PCDHGA2: variants seen among roughly 807,000 people sequenced by gnomAD.
The protein encoded by PCDHGA2 is protocadherin gamma-A2.
In PCDHGA2, 40 loss-of-function variants were observed where a neutral mutation model predicts 59.2. The ratio of observed to expected loss-of-function variants is 0.68; its 90% CI spans 0.52 to 0.88. The LOEUF (loss-of-function observed/expected upper bound fraction) is 0.88, where lower values mean the gene tolerates loss of function less well. PCDHGA2 is among the 40% of genes least tolerant of loss of function. The probability of loss-of-function intolerance (pLI) is 0.00; values close to 1 mark genes in which losing one functional copy is unlikely to be tolerated. For missense variants in PCDHGA2, 1,226 were observed against 1,204.0 expected (o/e 1.02, Z -0.27); for synonymous variants, 560 against 526.0 (o/e 1.06, Z -0.89).
chr5:141,421,513 C>G lies in PCDHGA2; in HGVS notation c.2425-73294C>G, dbSNP rs368199651. ...GGCAGGCAGGATAGACCGGGAGGAG[C>G]TCTGTGAGACGGTGTCCTCCTGTTT... On this transcript the variant is annotated intron_variant, in intron 1 of 3. Coordinates refer to ENST00000394576, the MANE Select transcript of PCDHGA2 (RefSeq NM_018915.4). 61 of 1,614,078 alleles carry G rather than the reference C, an allele frequency of 3.8e-5. No individual in the cohort carries two copies. The African/African-American group carries it at 7.5e-4, about 20-fold the overall frequency.
intron 1 of PCDHGA2, chr5:141,404,432 GATACC>G: frequency 6.2e-7 from 1 of 1,613,380 alleles, no homozygotes; most frequent in African/African-American, 1.3e-5. Context: ...CTTGGCAGAG[GATACC>G]ATCCAAGGGT....
At chr5:141,363,452 C>G (rs1031596870) in intron 1 of PCDHGA2, among the ~76,000 whole-genome samples, 2 of 152,196 alleles carry the variant, frequency 1.3e-5, no homozygotes, top group Non-Finnish European at 2.9e-5. Context: ...CAGTACTTCT[C>G]GACAAGTATC....
rs561392729 is a variant in PCDHGA2, at chr5:141,475,706, G to T, written c.2425-19101G>T. On this transcript the variant is annotated intron_variant, in intron 1 of 3. Transcript: ENST00000394576. ...GGATTGGAGACTTGCAGAACGGCTA[G>T]CCTCACAGCCCCAAGGCTGGCTTTC... Among the ~76,000 whole-genome samples the T allele has an allele frequency of 7.2e-5, 11 of 152,364 alleles. 1 individual carries two copies. In the South Asian group the frequency reaches 2.3e-3, roughly 32 times the overall value.
Position 141,432,593 on chromosome 5 carries a change from A to G in PCDHGA2, c.2425-62214A>G, listed in dbSNP as rs2097518945. ...GCTGTCCTACCGTCTGCTCAAGGCC[A>G]GCGAGCCGGGACTCTTCTCGGTGGG... On this transcript the variant is annotated intron_variant, in intron 1 of 3. Transcript: ENST00000394576. The surrounding 1 kb of genome is among the most constrained non-coding windows in gnomAD (Gnocchi z 6.0). 6.2e-7 allele frequency: 1 copy of G among 1,612,958 alleles called. No individual in the cohort carries two copies. Among genetic ancestry groups the G allele is most frequent in the Non-Finnish European group, 8.5e-7 (1 of 1,179,834 alleles).
At chr5:141,374,646 G>C in intron 1 of PCDHGA2, 4 of 1,612,728 alleles carry the variant, frequency 2.5e-6, no homozygotes, top group Non-Finnish European at 3.4e-6. Flanking sequence ...GAAGCCCATG[G>C]GCCCAAGTAC....
intron 1 of PCDHGA2, chr5:141,410,478 C>T (rs767257836): frequency 1.9e-6 from 3 of 1,613,992 alleles, no homozygotes; most frequent in Non-Finnish European, 2.5e-6. Flanking sequence ...ATTGCACATA[C>T]GGGTACAAAA....
chr5:141,503,377 A>G lies in PCDHGA2; in HGVS notation c.2484-2016A>G, dbSNP rs534841057. Among the ~76,000 whole-genome samples, 4 of 152,142 alleles carry G rather than the reference A, an allele frequency of 2.6e-5. No homozygotes were observed. In the East Asian group the frequency reaches 7.8e-4, roughly 30 times the overall value. The stretch of plus-strand genomic sequence containing the variant: ...TTTGGGAAGCGGAGGCAGGTGGATC[A>G]TGAGGTCAGGAGTTCGAAACCAACC... On this transcript the variant is annotated intron_variant, in intron 2 of 3. Coordinates refer to ENST00000394576, the MANE Select transcript of PCDHGA2 (RefSeq NM_018915.4).
intron 1 of PCDHGA2, chr5:141,468,662 C>G (rs1381049343): frequency 6.6e-6 from 1 of 150,534 alleles, no homozygotes; most frequent in East Asian, 2.0e-4. Context: ...GTCAGGAGAT[C>G]AAGACCATCC....
chr5:141,429,387 TAA>T (rs11410533), intron 1 of PCDHGA2, among the ~76,000 whole-genome samples: 155 of 151,446 alleles, frequency 1.0e-3, no homozygotes, highest in African/African-American at 3.5e-3. Flanking sequence ...GTTTTTTTTT[TAA>T]AAAAAATTGA....
intron 1 of PCDHGA2, among the ~76,000 whole-genome samples, chr5:141,472,677 C>T (rs1275941416): frequency 6.6e-6 from 1 of 151,658 alleles, no homozygotes; most frequent in Non-Finnish European, 1.5e-5. Context: ...ACTGGTCCTT[C>T]CATTTCCCCT....
rs2099612668 is a variant in PCDHGA2, at chr5:141,485,382, TGA to T, written c.2425-9424_2425-9423del. The T allele has an allele frequency of 6.2e-7, 1 of 1,613,538 alleles. No homozygotes were observed. The highest frequency in any genetic ancestry group is 8.5e-7 in the Non-Finnish European group (1 of 1,179,906). On this transcript the variant is annotated intron_variant, in intron 1 of 3. Coordinates refer to ENST00000394576, the MANE Select transcript of PCDHGA2 (RefSeq NM_018915.4). The surrounding 1 kb of genome is among the most constrained non-coding windows in gnomAD (Gnocchi z 5.7). ...CGCAGGCTGCAGGTCGCTGGAGAGG[TGA>T]ACCAAAGACACTTCCGTGTGGATTT...
At chr5:141,468,871 T>TAAG (rs796694379) in intron 1 of PCDHGA2, among the ~76,000 whole-genome samples, 1 of 148,338 alleles carries the variant, frequency 6.7e-6, no homozygotes, top group African/African-American at 2.5e-5. Flanking sequence ...ATCTCAAAAA[T>TAAG]AATAATAATA....
chr5:141,404,018 G>A (rs1280619437), intron 1 of PCDHGA2: 1 of 1,613,864 alleles, frequency 6.2e-7, no homozygotes, highest in African/African-American at 1.3e-5. Flanking sequence ...GTTTAGCCCA[G>A]TGAGAGAAGA....
In PCDHGA2 at chr5:141,487,161, T is replaced by C; in HGVS notation, c.2425-7646T>C. Reference sequence around the variant, plus strand: ...CTCTCTACCTCTGTTACTCTCTTAGTGTCCTTAGAGGAAGACACTCATCCA... The same window carrying C: ...CTCTCTACCTCTGTTACTCTCTTAGCGTCCTTAGAGGAAGACACTCATCCA... On this transcript the variant is annotated intron_variant, in intron 1 of 3. Coordinates refer to ENST00000394576, the MANE Select transcript of PCDHGA2 (RefSeq NM_018915.4). This position sits in a 1 kb window ranked among gnomAD's most constrained non-coding sequence, Gnocchi z 5.0. 6.2e-7 allele frequency: 1 copy of C among 1,613,528 alleles called. No homozygotes were observed.
intron 1 of PCDHGA2, chr5:141,419,302 C>A: frequency 6.2e-7 from 1 of 1,614,024 alleles, no homozygotes; most frequent in Non-Finnish European, 8.5e-7. Flanking sequence ...ACCCAGACTT[C>A]GGGCTCAACG....
At chr5:141,392,957 C>T in intron 1 of PCDHGA2, 1 of 1,613,932 alleles carries the variant, frequency 6.2e-7, no homozygotes, top group Non-Finnish European at 8.5e-7. Flanking sequence ...TGGGTAATAT[C>T]TCCAAGGACC....
rs373297942 is a variant in PCDHGA2 at position 141,431,494 on chromosome 5, C to G, written c.2425-63313C>G. ...ACAACGCACCAGCGTTTGCTCAGCCCGAGTACCGCGCGAGCGTTCCGGAGA... is the reference window on the plus strand; with the variant it reads ...ACAACGCACCAGCGTTTGCTCAGCCGGAGTACCGCGCGAGCGTTCCGGAGA... On this transcript the variant is annotated intron_variant, in intron 1 of 3. Transcript: ENST00000394576. This position sits in a 1 kb window ranked among gnomAD's most constrained non-coding sequence, Gnocchi z 4.8. 16 of 1,613,838 alleles carry G rather than the reference C, an allele frequency of 9.9e-6. No individual in the cohort carries two copies. The highest frequency in any genetic ancestry group is 1.4e-5 in the Non-Finnish European group (16 of 1,180,030).
Position 141,498,971 on chromosome 5 carries a change from GGGAAGGAAGGAAGGAAGGAAGGAA to G in PCDHGA2, c.2483+4140_2483+4163del, listed in dbSNP as rs201769957. 5.1e-3 allele frequency among the ~76,000 whole-genome samples: 569 copies of G among 111,048 alleles called. 6 individuals carry two copies. Among genetic ancestry groups the G allele is most frequent in the South Asian group, 0.024 (65 of 2,658 alleles). 72.9% of individuals were successfully genotyped at this position (111,048 alleles called of 152,430 possible). A position where few individuals can be genotyped will look rare whatever the true frequency, so the allele number is the denominator to read the frequency against. On this transcript the variant is annotated intron_variant, in intron 2 of 3. Coordinates refer to ENST00000394576, the MANE Select transcript of PCDHGA2 (RefSeq NM_018915.4). ...AAAAAGAGAGAGAGGGAGGGAGGGA[GGGAAGGAAGGAAGGAAGGAAGGAA>G]GGAAGGAAGGAAGGAAGGAAGGAAG...
intron 1 of PCDHGA2, chr5:141,343,811 C>G: frequency 2.1e-6 from 1 of 468,054 alleles, no homozygotes; most frequent in Non-Finnish European, 3.7e-6. Flanking sequence ...AAGGAGAACG[C>G]AGCTGGAGAA....
Sources: gnomAD v4.1 joint callset for allele counts (sites outside exome capture counted in the v4.1 genomes callset) on GRCh38, gnomAD v4.1.1 for gene constraint, Gnocchi (gnomAD v3.1) non-coding constraint, MANE v1.5 for transcripts, NCBI Gene and HGNC (gene_info 2026-07-23, HGNC 2026-07-21) for gene names.